The following PDE3B variants were observed in gnomAD, a reference collection of about 807,000 sequenced individuals.
PDE3B encodes the protein phosphodiesterase 3B, also known as cGMP-inhibited 3',5'-cyclic phosphodiesterase 3B.
A neutral mutation model predicts 116.8 loss-of-function variants in PDE3B; 66 were observed. The ratio of observed to expected loss-of-function variants is 0.56; its 90% CI spans 0.46 to 0.69. PDE3B has a LOEUF of 0.69. Among genes scored for constraint, PDE3B ranks in the 30% least tolerant of loss-of-function variants. PDE3B has a pLI of 0.00. For synonymous variants in PDE3B, 595 were observed against 533.6 expected (o/e 1.12, Z -1.59); for missense variants, 1,384 against 1,368.1 (o/e 1.01, Z -0.18).
At chr11:14,673,149 TCTTTA>T (rs1854423530) in intron 1 of PDE3B, among the ~76,000 whole-genome samples, 1 of 151,920 alleles carries the variant, frequency 6.6e-6, no homozygotes, top group African/African-American at 2.4e-5. Flanking sequence ...AAGGATGGGC[TCTTTA>T]CTTTAAGCAC....
intron 5 of PDE3B, among the ~76,000 whole-genome samples, chr11:14,815,738 C>A (rs1859304550): frequency 6.6e-6 from 1 of 151,914 alleles, no homozygotes; most frequent in African/African-American, 2.4e-5. Flanking sequence ...TTAATGCTAC[C>A]TTAGAGTGTG....
chr11:14,701,770 A>C (rs1212717319), intron 1 of PDE3B, among the ~76,000 whole-genome samples: 1 of 151,346 alleles, frequency 6.6e-6, no homozygotes, highest in African/African-American at 2.4e-5. Context: ...AATACTGTTT[A>C]TTTGTGAACT....
At chr11:14,897,630 A>T in the PDE3B span, among the ~76,000 whole-genome samples, 1 of 152,126 alleles carries the variant, frequency 6.6e-6, no homozygotes, top group African/African-American at 2.4e-5. Flanking sequence ...ACATTTGCAG[A>T]TGGTTGGTGG....
Position 14,818,380 on chromosome 11 carries a change from A to T in PDE3B, c.1720A>T (p.Asn574Tyr). The change falls in exon 6 of 16, where the codon AAT becomes TAT. Residue 574 changes from asparagine to tyrosine, a missense_variant. Coordinates refer to ENST00000282096, the MANE Select transcript of PDE3B (RefSeq NM_000922.4). ...FYQQLRNSDS[N>Y]LCNSCGHQML... ...TCAGCAACTTAGAAATTCTGATAGC[A>T]ATCTGTGTAACAGGTAAGTTTCCCA... 6.2e-7 allele frequency: 1 copy of T among 1,605,634 alleles called. No individual in the cohort carries two copies. The highest frequency in any genetic ancestry group is 1.1e-5 in the South Asian group (1 of 90,922).
At chr11:14,829,469 T>C (rs1037211796) in intron 7 of PDE3B, among the ~76,000 whole-genome samples, 1 of 152,102 alleles carries the variant, frequency 6.6e-6, no homozygotes, top group African/African-American at 2.4e-5. Context: ...ATAGTTTTTC[T>C]AAGAGAAAAG....
At chr11:14,811,466 C>A (rs550958629) in intron 5 of PDE3B, among the ~76,000 whole-genome samples, 20 of 152,244 alleles carry the variant, frequency 1.3e-4, no homozygotes, top group Non-Finnish European at 1.5e-4. Context: ...TGTCAAAGAT[C>A]AGATAGTTGT....
At chr11:14,891,683 C>T in the PDE3B span, 1 of 1,177,306 alleles carries the variant, frequency 8.5e-7, no homozygotes, top group Non-Finnish European at 1.1e-6. Context: ...GCGAGCCAAA[C>T]GGCGCAGGCG....
chr11:14,847,423 TA>T (rs1847633741), intron 12 of PDE3B, among the ~76,000 whole-genome samples: 1 of 150,632 alleles, frequency 6.6e-6, no homozygotes, highest in Non-Finnish European at 1.5e-5. Flanking sequence ...ACATCACAAT[TA>T]AAAGAACTAG....
chr11:14,838,900 A>T (rs1391496272), intron 11 of PDE3B, among the ~76,000 whole-genome samples: 3 of 152,212 alleles, frequency 2.0e-5, no homozygotes, highest in African/African-American at 7.2e-5. Flanking sequence ...ATGAAGTAGA[A>T]TTGTTGAAAC....
intron 1 of PDE3B, among the ~76,000 whole-genome samples, chr11:14,733,629 T>C (rs929715383): frequency 2.0e-5 from 3 of 152,214 alleles, no homozygotes; most frequent in African/African-American, 7.2e-5. Context: ...CTTCTTGAAA[T>C]AACTTTCATG....
In PDE3B at chr11:14,782,588, A is replaced by C. The variant is rs562471354; in HGVS notation, c.1030-3849A>C. Among the ~76,000 whole-genome samples, 29 of 152,338 alleles carry C rather than the reference A, an allele frequency of 1.9e-4. No individual in the cohort carries two copies. The South Asian group carries it at 5.8e-3, about 30-fold the overall frequency. ...AAAGCTTTAACTGGATCCCTTACTT[A>C]CACCTTATACAAAAATTAATTCAAG... On this transcript the variant is annotated intron_variant, in intron 2 of 15. Coordinates refer to ENST00000282096, the MANE Select transcript of PDE3B (RefSeq NM_000922.4).
chr11:14,665,346 G>GA (rs1196109386), intron 1 of PDE3B, among the ~76,000 whole-genome samples: 1 of 152,172 alleles, frequency 6.6e-6, no homozygotes. Context: ...CATTCCCTTT[G>GA]AAAACTGGCA....
At chr11:14,656,039 G>A (rs1280462118) in intron 1 of PDE3B, among the ~76,000 whole-genome samples, 1 of 152,186 alleles carries the variant, frequency 6.6e-6, no homozygotes, top group African/African-American at 2.4e-5. Context: ...ATCAGAGAAT[G>A]AAAATATTGG....
At chr11:14,729,071 A>G (rs186921018) in intron 1 of PDE3B, among the ~76,000 whole-genome samples, 22 of 152,260 alleles carry the variant, frequency 1.4e-4, no homozygotes, top group Non-Finnish European at 2.6e-4. Flanking sequence ...GAGTTAGAGA[A>G]TCTTCCCTAC....
At chr11:14,663,392 T>C (rs1372630223) in intron 1 of PDE3B, among the ~76,000 whole-genome samples, 1 of 152,156 alleles carries the variant, frequency 6.6e-6, no homozygotes. Context: ...AGGAAGAAAC[T>C]GCATCAACTA....
At chr11:14,876,763 T>A (rs1848193702), downstream of PDE3B, among the ~76,000 whole-genome samples, 1 of 152,106 alleles carries the variant, frequency 6.6e-6, no homozygotes, top group Non-Finnish European at 1.5e-5. Context: ...AAAGCTGGTA[T>A]CATCTGGAAG....
intron 1 of PDE3B, among the ~76,000 whole-genome samples, chr11:14,769,222 TAATATTGTAATACTAC>T (rs1212141952): frequency 9.2e-5 from 14 of 151,424 alleles, no homozygotes; most frequent in Non-Finnish European, 1.8e-4. Context: ...AGATGGTCTG[TAATATTGTAATACTAC>T]AATATTGTAA....
intron 3 of PDE3B, 145 bp from the exon 4 acceptor site, chr11:14,788,961 C>A: frequency 2.0e-6 from 1 of 506,910 alleles, no homozygotes; most frequent in Non-Finnish European, 3.3e-6. Context: ...AGTAAATTGA[C>A]AGATTTTCAG....
intron 1 of PDE3B, among the ~76,000 whole-genome samples, chr11:14,740,451 C>T (rs1041757086): frequency 2.0e-5 from 3 of 152,076 alleles, no homozygotes; most frequent in Non-Finnish European, 4.4e-5. Context: ...GGTGATATCC[C>T]CTGTATCATT....
Sources: allele counts gnomAD v4.1 joint callset (sites outside exome capture counted in the v4.1 genomes callset), GRCh38; gene constraint gnomAD v4.1.1; transcripts MANE v1.5; gene names NCBI Gene and HGNC (gene_info 2026-07-23, HGNC 2026-07-21).